The following CDH10 variants were observed in gnomAD, a reference collection of about 807,000 sequenced individuals.
CDH10 encodes cadherin 10.
In CDH10, 30 loss-of-function variants were observed where a neutral mutation model predicts 73.1. The observed-to-expected ratio is 0.41, with a 90% CI of 0.31 to 0.56. CDH10 has a LOEUF of 0.56. Among genes scored for constraint, CDH10 ranks in the 20% least tolerant of loss-of-function variants. The pLI is 0.27. For missense variants in CDH10, 815 were observed against 973.7 expected (o/e 0.84, Z 2.17); for synonymous variants, 345 against 348.2 (o/e 0.99, Z 0.10).
intron 2 of CDH10, among the ~76,000 whole-genome samples, chr5:24,558,649 AAGTC>A (rs1744851317): frequency 6.6e-6 from 1 of 151,738 alleles, no homozygotes; most frequent in Non-Finnish European, 1.5e-5. Flanking sequence ...TCAAGGAAAA[AAGTC>A]AGTCAAGAAA....
At chr5:24,572,935 G>GAAAAAAAAAAAAAAAAAAAAGAAAAAAA (rs1745444203) in intron 2 of CDH10, among the ~76,000 whole-genome samples, 1 of 72,116 alleles carries the variant, frequency 1.4e-5, no homozygotes, top group African/African-American at 5.5e-5. Context: ...CTTAGAAAAA[G>GAAAAAAAAAAAAAAAAAAAAGAAAAAAA]AAAAAAAAAA....
chr5:24,524,376 G>A (rs896666050), intron 5 of CDH10, among the ~76,000 whole-genome samples: 2 of 151,972 alleles, frequency 1.3e-5, no homozygotes, highest in Non-Finnish European at 2.9e-5. Flanking sequence ...TTGACATTTC[G>A]GGCAAGCAGT....
intron 2 of CDH10, among the ~76,000 whole-genome samples, chr5:24,571,880 A>G (rs1036908901): frequency 2.0e-5 from 3 of 152,058 alleles, no homozygotes; most frequent in African/African-American, 7.3e-5. Flanking sequence ...ATCCTAAAAA[A>G]TTAACAATAG....
Position 24,584,475 on chromosome 5 carries a change from T to TGAGA in CDH10, c.231+8781_231+8784dup, listed in dbSNP as rs1554023331. 2.8e-3 allele frequency among the ~76,000 whole-genome samples: 222 copies of TGAGA among 79,702 alleles called. 3 individuals are homozygous for TGAGA. The highest frequency in any genetic ancestry group is 7.0e-3 in the East Asian group (18 of 2,574). The allele number at this position is 79,702 out of a possible 152,430, so 52.3% of individuals were successfully genotyped here. ...TTTTTTTTTTTTTTTTGTGTGTGTG[T>TGAGA]GAGAGAGAGAGAGAGAGAGAGAGTC... On this transcript the variant is annotated intron_variant, in intron 2 of 11. Transcript: ENST00000264463.
intron 2 of CDH10, among the ~76,000 whole-genome samples, chr5:24,589,267 CAGG>C (rs1350199288): frequency 6.6e-6 from 1 of 152,020 alleles, no homozygotes. Context: ...TGGACATAAA[CAGG>C]AGGTCAGGAG....
chr5:24,505,251 G>A lies in CDH10; in HGVS notation c.1257-3C>T, dbSNP rs1483873679. The A allele has an allele frequency of 6.2e-7, 1 of 1,611,682 alleles. No individual in the cohort carries two copies. The highest frequency in any genetic ancestry group is 8.5e-7 in the Non-Finnish European group (1 of 1,178,500). On this transcript the variant is annotated splice_region_variant and splice_polypyrimidine_tract_variant and intron_variant, in intron 7 of 11. Transcript: ENST00000264463. ...CAGTATGGCGATCCAAGGAAAATCT[G>A]AACATGGAGGGCAAGAAAAAATACA...
intron 1 of CDH10, among the ~76,000 whole-genome samples, chr5:24,631,227 T>C (rs751834175): frequency 6.6e-6 from 1 of 152,120 alleles, no homozygotes; most frequent in Non-Finnish European, 1.5e-5. Context: ...CAACTTTAGT[T>C]CTTATAATAT....
intron 2 of CDH10, among the ~76,000 whole-genome samples, chr5:24,573,612 A>T (rs1385535299): frequency 6.6e-6 from 1 of 150,748 alleles, no homozygotes; most frequent in Non-Finnish European, 1.5e-5. Context: ...GAGGCAGGAG[A>T]ATGGCGTGAA....
chr5:24,555,546 A>T (rs1744736026), intron 2 of CDH10, among the ~76,000 whole-genome samples: 1 of 152,104 alleles, frequency 6.6e-6, no homozygotes, highest in South Asian at 2.1e-4. Flanking sequence ...CATGGGGGTG[A>T]TGTGGCATCA....
chr5:24,578,671 G>T (rs1464499407), intron 2 of CDH10: 1 of 152,696 alleles, frequency 6.5e-6, no homozygotes, highest in African/African-American at 2.4e-5. Flanking sequence ...TATAACCATT[G>T]AAGAAAACAA....
In CDH10 at chr5:24,487,425, G is replaced by C. The variant is rs918927843; in HGVS notation, c.*238C>G. ...AAATTATCTTTTATTTACTAAGATG[G>C]ACAACACTGTATTTCCATAGCTTTG... On this transcript the variant is annotated 3_prime_UTR_variant, in exon 12 of 12. Transcript: ENST00000264463. 1 of 429,828 alleles carries C rather than the reference G, an allele frequency of 2.3e-6. No individual in the cohort carries two copies. Among genetic ancestry groups the C allele is most frequent in the Non-Finnish European group, 4.2e-6 (1 of 240,482 alleles). The allele number at this position is 429,828 out of a possible 1,614,324, so 26.6% of individuals were successfully genotyped here. A position where few individuals can be genotyped will look rare whatever the true frequency, so the allele number is the denominator to read the frequency against.
At chr5:24,504,375 A>C (rs2111718889) in intron 8 of CDH10, among the ~76,000 whole-genome samples, 1 of 152,006 alleles carries the variant, frequency 6.6e-6, no homozygotes. Flanking sequence ...ACATTTAATT[A>C]CTTTTTCACT....
intron 7 of CDH10, among the ~76,000 whole-genome samples, chr5:24,506,252 T>C (rs1742694724): frequency 6.6e-6 from 1 of 152,206 alleles, no homozygotes; most frequent in Admixed American, 6.5e-5. Context: ...TGCAACTTGA[T>C]TGCCAGCATG....
intron 1 of CDH10, among the ~76,000 whole-genome samples, chr5:24,619,623 G>C (rs2112164736): frequency 6.6e-6 from 1 of 152,228 alleles, no homozygotes; most frequent in Middle Eastern, 3.4e-3. Context: ...AATTTTGGAG[G>C]GCCAGATGCA....
At chr5:24,534,597 C>T (rs1415983438) in intron 5 of CDH10, among the ~76,000 whole-genome samples, 1 of 152,084 alleles carries the variant, frequency 6.6e-6, no homozygotes. Flanking sequence ...AAGGTTGTCA[C>T]TCCACACATA....
intron 1 of CDH10, among the ~76,000 whole-genome samples, chr5:24,628,822 C>G (rs1747599090): frequency 6.9e-6 from 1 of 144,582 alleles, no homozygotes; most frequent in Non-Finnish European, 1.5e-5. Context: ...ACTTGCCGCC[C>G]CCCCCACCCC....
chr5:24,633,216 A>G (rs1281900869), intron 1 of CDH10, among the ~76,000 whole-genome samples: 1 of 151,730 alleles, frequency 6.6e-6, no homozygotes, highest in Non-Finnish European at 1.5e-5. Flanking sequence ...AAATAATTGT[A>G]TTATTTTCTT....
At chr5:24,521,996 T>C (rs1221822701) in intron 5 of CDH10, among the ~76,000 whole-genome samples, 1 of 151,948 alleles carries the variant, frequency 6.6e-6, no homozygotes, top group Non-Finnish European at 1.5e-5. Flanking sequence ...TAGCCTGGTA[T>C]GGTGGCAGGC....
At chr5:24,635,038 T>C (rs981457406) in intron 1 of CDH10, among the ~76,000 whole-genome samples, 1 of 151,242 alleles carries the variant, frequency 6.6e-6, no homozygotes, top group Non-Finnish European at 1.5e-5. Context: ...GGTTTCAAAT[T>C]GATCTTCATA....
Sources: gnomAD v4.1 joint callset for allele counts (sites outside exome capture counted in the v4.1 genomes callset) on GRCh38, gnomAD v4.1.1 for gene constraint, MANE v1.5 for transcripts, NCBI Gene and HGNC (gene_info 2026-07-23, HGNC 2026-07-21) for gene names.